Variants in NFS1 observed in about 807,000 individuals in gnomAD.
The protein encoded by NFS1 is cysteine desulfurase.
In NFS1, 26 loss-of-function variants were observed where a neutral mutation model predicts 57.3. That is an observed-to-expected ratio of 0.45 (90% CI 0.33 to 0.63). The LOEUF is 0.63. NFS1 is among the 20% of genes least tolerant of loss of function. NFS1 has a pLI of 0.02. For missense variants in NFS1, 505 were observed against 605.8 expected (o/e 0.83, Z 1.75); for synonymous variants, 209 against 216.3 (o/e 0.97, Z 0.30).
chr20:35,679,316 T>G (rs918613484), intron 7 of NFS1, among the ~76,000 whole-genome samples: 1 of 152,128 alleles, frequency 6.6e-6, no homozygotes, highest in African/African-American at 2.4e-5. Flanking sequence ...CCTGAGTAGC[T>G]GGGATTAAAG....
At chr20:35,673,483 A>C in intron 11 of NFS1, 118 bp downstream of exon 11, 46 of 748,236 alleles carry the variant, frequency 6.1e-5, no homozygotes, top group Non-Finnish European at 8.8e-5. Context: ...GGTTATGAGA[A>C]GAGATAAGGA....
At chr20:35,681,422 G>A (rs187458711) in intron 6 of NFS1, among the ~76,000 whole-genome samples, 1 of 152,334 alleles carries the variant, frequency 6.6e-6, no homozygotes, top group Admixed American at 6.5e-5. Flanking sequence ...ACCTGGCCGG[G>A]AGCAGTGGCT....
Position 35,690,553 on chromosome 20 carries a change from A to G in NFS1, c.421T>C (p.Phe141Leu). ...NNIAIKGVAR[F>L]YRSRKKHLIT... Reference sequence around the variant, plus strand: ...AAGTGCTTTTTCCGTGACCTGTAGAATCGGGCCACCCCCTAGAAATTGGTG... The same window carrying G: ...AAGTGCTTTTTCCGTGACCTGTAGAGTCGGGCCACCCCCTAGAAATTGGTG... The change falls in exon 5 of 13, where the codon TTC becomes CTC. Residue 141 changes from phenylalanine to leucine, a missense_variant. By Grantham distance (22) the Phe-to-Leu change is conservative (BLOSUM62 0). Coordinates refer to ENST00000374092, the MANE Select transcript of NFS1 (RefSeq NM_021100.5). 1 of 1,614,056 alleles carries G rather than the reference A, an allele frequency of 6.2e-7. No homozygotes were observed. Among genetic ancestry groups the G allele is most frequent in the South Asian group, 1.1e-5 (1 of 91,074 alleles).
chr20:35,697,538 C>G (rs2035156532), intron 3 of NFS1, 146 bp downstream of exon 3: 2 of 551,558 alleles, frequency 3.6e-6, no homozygotes, highest in Admixed American at 6.5e-5. Flanking sequence ...TGCCTGCAGT[C>G]AAACTCCAAG....
chr20:35,674,880 CATA>C (rs2034714545), intron 8 of NFS1, 162 bp downstream of exon 8: 2 of 904,148 alleles, frequency 2.2e-6, no homozygotes, highest in Non-Finnish European at 3.4e-6. Context: ...TTTTGAAGCC[CATA>C]ATGTCTCCCT....
At chr20:35,675,265 C>A (rs2034722538) in intron 7 of NFS1, 63 bp from the exon 8 acceptor site, 2 of 1,464,214 alleles carry the variant, frequency 1.4e-6, no homozygotes, top group Non-Finnish European at 1.8e-6. Context: ...CAAAATATTT[C>A]TTTCCAAAGG....
chr20:35,698,631 G>T, intron 1 of NFS1, 41 bp from the exon 2 acceptor site: 2 of 1,551,624 alleles, frequency 1.3e-6, no homozygotes, highest in Non-Finnish European at 1.7e-6. Context: ...AAGACCGAAG[G>T]CAACTATGAA....
chr20:35,683,119 T>TA (rs1233780961), intron 5 of NFS1, among the ~76,000 whole-genome samples: 1 of 150,112 alleles, frequency 6.7e-6, no homozygotes, highest in Admixed American at 6.6e-5. Context: ...AAAACAAAAA[T>TA]AAAAAAGCCA....
intron 5 of NFS1, among the ~76,000 whole-genome samples, chr20:35,685,573 T>TAC (rs2034925358): frequency 6.8e-6 from 1 of 146,914 alleles, no homozygotes; most frequent in South Asian, 2.1e-4. Flanking sequence ...TATATATATA[T>TAC]AGCAGCCGGG....
At chr20:35,676,782 A>AAAAAAAAAAAAAAAAAAAAAAAAAT (rs2034757203) in intron 7 of NFS1, among the ~76,000 whole-genome samples, 1 of 122,642 alleles carries the variant, frequency 8.2e-6, no homozygotes. Context: ...AAAAAAAAAA[A>AAAAAAAAAAAAAAAAAAAAAAAAAT]AAACCAAGAA....
At chr20:35,697,901 C>A in intron 2 of NFS1, 101 bp from the exon 3 acceptor site, 1 of 714,130 alleles carries the variant, frequency 1.4e-6, no homozygotes, top group Non-Finnish European at 2.4e-6. Flanking sequence ...CACTCTCAAC[C>A]CCTCAGGCAC....
chr20:35,697,658 A>T lies in NFS1; in HGVS notation c.324+26T>A, dbSNP rs1399676270. 4 of 1,523,598 alleles carry T rather than the reference A, an allele frequency of 2.6e-6. 1 individual carries two copies. The highest frequency in any genetic ancestry group is 2.7e-6 in the Non-Finnish European group (3 of 1,112,642). The allele number at this position is 1,523,598 out of a possible 1,614,324, so 94.4% of individuals were successfully genotyped here. Reference sequence around the variant, plus strand: ...GGCCACTGCCCCTCTTTGACCTTAGAACCTCCTAGACTCCTGTGTACTAAC... The same window carrying T: ...GGCCACTGCCCCTCTTTGACCTTAGTACCTCCTAGACTCCTGTGTACTAAC... On this transcript the variant is annotated intron_variant, in intron 3 of 12. Transcript: ENST00000374092.
intron 7 of NFS1, among the ~76,000 whole-genome samples, chr20:35,676,903 G>A (rs1351163785): frequency 1.3e-5 from 2 of 150,324 alleles, no homozygotes; most frequent in South Asian, 2.1e-4. Context: ...GTCTTGCTCT[G>A]TTGCCCAGAC....
intron 7 of NFS1, among the ~76,000 whole-genome samples, chr20:35,677,588 C>T (rs1157227508): frequency 3.9e-5 from 6 of 152,118 alleles, no homozygotes; most frequent in Admixed American, 2.0e-4. Context: ...CTAAACAAGC[C>T]GAATTACAGA....
intron 6 of NFS1, among the ~76,000 whole-genome samples, chr20:35,681,298 T>G (rs57735618): frequency 0.043 from 6,523 of 151,972 alleles, 155 homozygotes; most frequent in African/African-American, 0.072. Context: ...CAGGGCGATC[T>G]CTATGTGGGG....
intron 4 of NFS1, chr20:35,692,237 G>A: frequency 3.6e-6 from 1 of 276,384 alleles, no homozygotes; most frequent in Non-Finnish European, 7.0e-6. Context: ...AGCGAGGTGT[G>A]GTGGCACGCA....
At chr20:35,681,815 T>C in intron 6 of NFS1, 73 bp downstream of exon 6, 1 of 828,732 alleles carries the variant, frequency 1.2e-6, no homozygotes, top group Non-Finnish European at 2.1e-6. Context: ...CATAGAGTAT[T>C]ACAGCTCTCA....
chr20:35,675,200 C>T lies in NFS1; in HGVS notation c.793G>A (p.Val265Ile). ...CGGCGACGGATGTAGATGGCACCAA[C>T]CCCTGGGAAACAAAATTTGTTACAA... ...SGHKIYGPKGVGAIYIRRRPR... is the reference protein window; with the variant it reads ...SGHKIYGPKGIGAIYIRRRPR... The change falls in exon 8 of 13, where the codon GTT (valine) becomes ATT (isoleucine). Residue 265 changes from valine to isoleucine, a missense_variant and splice_region_variant. By Grantham distance (29) the Val-to-Ile change is conservative. Coordinates refer to ENST00000374092, the MANE Select transcript of NFS1 (RefSeq NM_021100.5). 6.3e-7 allele frequency: 1 copy of T among 1,588,380 alleles called. No individual in the cohort carries two copies. The highest frequency in any genetic ancestry group is 8.6e-7 in the Non-Finnish European group (1 of 1,165,994).
rs573924251 is a variant in NFS1 at position 35,694,256 on chromosome 20, T to C, written c.408+2121A>G. On this transcript the variant is annotated intron_variant, in intron 4 of 12. Transcript: ENST00000374092. ...GCCTCCTGGGTTCAACTGATTCTCC[T>C]GCCTCAGCCTTCCAAGTAGCTAGGA... Among the ~76,000 whole-genome samples, 12 of 151,778 alleles carry C rather than the reference T, an allele frequency of 7.9e-5. No individual in the cohort carries two copies. In the East Asian group the frequency reaches 2.2e-3, roughly 27 times the overall value.
Sources: gnomAD v4.1 joint callset for allele counts (sites outside exome capture counted in the v4.1 genomes callset) on GRCh38, gnomAD v4.1.1 for gene constraint, MANE v1.5 for transcripts, NCBI Gene and HGNC (gene_info 2026-07-23, HGNC 2026-07-21) for gene names.